The following DLGAP1 variants were observed in gnomAD, a reference collection of about 807,000 sequenced individuals.
DLGAP1 encodes the protein disks large-associated protein 1.
In DLGAP1, 11 loss-of-function variants were observed where a neutral mutation model predicts 90.8. The observed-to-expected ratio is 0.12, with a 90% confidence interval of 0.08 to 0.20. The LOEUF (loss-of-function observed/expected upper bound fraction) is 0.20. DLGAP1 is among the 10% of genes least tolerant of loss of function. The pLI is 1.00. For synonymous variants in DLGAP1, 558 were observed against 540.7 expected, an observed-to-expected ratio of 1.03 and a Z score of -0.44; for missense variants, 1,050 against 1,333.8, an observed-to-expected ratio of 0.79 and a Z score of 3.31.
chr18:4,446,439 A>AAGCAGCAGC (rs139464015), intron 1 of DLGAP1, among the ~76,000 whole-genome samples: 2,562 of 151,340 alleles, frequency 0.017, 67 homozygotes, highest in Non-Finnish European at 0.018. Context: ...TTGTGAAGTC[A>AAGCAGCAGC]AGCAGCAGCA....
chr18:3,820,612 C>G (rs1054597202), intron 4 of DLGAP1, among the ~76,000 whole-genome samples: 13 of 152,038 alleles, frequency 8.6e-5, no homozygotes, highest in Non-Finnish European at 1.5e-5. Context: ...AGGGATCAAC[C>G]TGTTTGACTT....
intron 3 of DLGAP1, among the ~76,000 whole-genome samples, chr18:3,910,524 G>A (rs542288466): frequency 6.6e-6 from 1 of 152,268 alleles, no homozygotes; most frequent in African/African-American, 2.4e-5. Flanking sequence ...TAGCCATTTA[G>A]CTAGGACAAA....
intron 1 of DLGAP1, among the ~76,000 whole-genome samples, chr18:4,157,719 T>C (rs758713855): frequency 1.3e-5 from 2 of 152,176 alleles, no homozygotes; most frequent in Non-Finnish European, 2.9e-5. Context: ...GCCTCATTCA[T>C]ACGTGATGTT....
intron 3 of DLGAP1, among the ~76,000 whole-genome samples, chr18:3,978,914 C>T (rs995451001): frequency 6.6e-6 from 1 of 152,046 alleles, no homozygotes; most frequent in African/African-American, 2.4e-5. Flanking sequence ...ATGAAGAGTA[C>T]GTGGAAAGTG....
chr18:4,028,249 T>C (rs910155000), intron 2 of DLGAP1, among the ~76,000 whole-genome samples: 3 of 152,224 alleles, frequency 2.0e-5, no homozygotes, highest in Non-Finnish European at 4.4e-5. Flanking sequence ...TGTATTTACA[T>C]AGCTATTCAT....
intron 4 of DLGAP1, among the ~76,000 whole-genome samples, chr18:3,849,313 A>C (rs909498535): frequency 1.3e-5 from 2 of 152,118 alleles, no homozygotes; most frequent in African/African-American, 4.8e-5. Flanking sequence ...TAGTATCTTC[A>C]AAGAGACTCA....
chr18:4,256,137 C>T (rs2078883094), intron 1 of DLGAP1, among the ~76,000 whole-genome samples: 1 of 152,194 alleles, frequency 6.6e-6, no homozygotes, highest in East Asian at 1.9e-4. Flanking sequence ...CCTGGGGCCA[C>T]AGTGAATCAA....
intron 3 of DLGAP1, among the ~76,000 whole-genome samples, chr18:3,922,593 G>A (rs936606748): frequency 6.6e-6 from 1 of 152,106 alleles, no homozygotes; most frequent in East Asian, 1.9e-4. Flanking sequence ...ATCAAAAAGA[G>A]GTTCAAAATA....
intron 5 of DLGAP1, among the ~76,000 whole-genome samples, chr18:3,777,461 C>G (rs574620080): frequency 7.9e-5 from 12 of 152,162 alleles, no homozygotes; most frequent in African/African-American, 2.6e-4. Flanking sequence ...TGGAAGAATA[C>G]GCGGATGTGG....
intron 7 of DLGAP1, among the ~76,000 whole-genome samples, chr18:3,644,551 C>T (rs775607865): frequency 1.3e-5 from 2 of 152,064 alleles, no homozygotes; most frequent in Non-Finnish European, 2.9e-5. Flanking sequence ...GCTGGGATTA[C>T]AGGCGCTCAC....
At chr18:3,805,986 T>C (rs2066540614) in intron 5 of DLGAP1, among the ~76,000 whole-genome samples, 2 of 152,240 alleles carry the variant, frequency 1.3e-5, no homozygotes, top group African/African-American at 2.4e-5. Flanking sequence ...CTATTTCAAA[T>C]GCATCTTCTG....
rs1051972434 is a variant in DLGAP1, at chr18:3,498,358, A to G, written c.*827T>C. 1.3e-5 allele frequency: 2 copies of G among 152,228 alleles called. No individual in the cohort carries two copies. Among genetic ancestry groups the G allele is most frequent in the Non-Finnish European group, 2.9e-5 (2 of 68,042 alleles). 9.4% of individuals were successfully genotyped at this position (152,228 alleles called of 1,614,324 possible). Reference sequence around the variant, plus strand: ...ATTTTCTTAATAATAGAACAAAAAAATCCCTTATGTAGTATACTAAACCAT... The same window carrying G: ...ATTTTCTTAATAATAGAACAAAAAAGTCCCTTATGTAGTATACTAAACCAT... On this transcript the variant is annotated 3_prime_UTR_variant, in exon 13 of 13. Transcript: ENST00000315677.
rs1325383574 is a variant in DLGAP1, at chr18:3,775,065, A to T, written c.1173-32553T>A. 1.3e-5 allele frequency among the ~76,000 whole-genome samples: 2 copies of T among 152,210 alleles called. No individual in the cohort carries two copies. Among genetic ancestry groups the T allele is most frequent in the African/African-American group, 4.8e-5 (2 of 41,456 alleles). On this transcript the variant is annotated intron_variant, in intron 5 of 12. Coordinates refer to ENST00000315677, the MANE Select transcript of DLGAP1 (RefSeq NM_004746.4). This position sits in a 1 kb window ranked among gnomAD's most constrained non-coding sequence, Gnocchi z 4.9. Reference sequence around the variant, plus strand: ...TTTTCACAAACCACTGTCGCTCTGCAGGCCCCACAGGCTTTGTCCCAGGTC... The same window carrying T: ...TTTTCACAAACCACTGTCGCTCTGCTGGCCCCACAGGCTTTGTCCCAGGTC...
At chr18:4,009,180 GGT>G (rs1440215253) in intron 2 of DLGAP1, among the ~76,000 whole-genome samples, 2 of 152,106 alleles carry the variant, frequency 1.3e-5, no homozygotes, top group African/African-American at 2.4e-5. Flanking sequence ...TGGGATTACA[GGT>G]GTGAGCCACT....
chr18:3,583,259 C>T (rs2055675732), intron 7 of DLGAP1, among the ~76,000 whole-genome samples: 1 of 148,170 alleles, frequency 6.7e-6, no homozygotes, highest in Non-Finnish European at 1.5e-5. Flanking sequence ...TGTGTTTCCC[C>T]ACCTCCTTCC....
intron 2 of DLGAP1, among the ~76,000 whole-genome samples, chr18:4,123,654 C>G (rs2076188259): frequency 6.6e-6 from 1 of 152,198 alleles, no homozygotes; most frequent in Non-Finnish European, 1.5e-5. Flanking sequence ...CAGAGCATAA[C>G]CCATGAGTTG....
intron 7 of DLGAP1, among the ~76,000 whole-genome samples, chr18:3,699,639 G>A (rs2061213055): frequency 6.6e-6 from 1 of 152,204 alleles, no homozygotes; most frequent in African/African-American, 2.4e-5. Context: ...AGGAAGCAGA[G>A]TGTCCCTTAG....
chr18:4,225,954 G>A (rs1568460223), intron 1 of DLGAP1, among the ~76,000 whole-genome samples: 1 of 152,176 alleles, frequency 6.6e-6, no homozygotes, highest in East Asian at 1.9e-4. Context: ...AAGGGTTATA[G>A]AACATCAAGC....
intron 3 of DLGAP1, among the ~76,000 whole-genome samples, chr18:3,910,131 T>C (rs2072000010): frequency 6.6e-6 from 1 of 150,450 alleles, no homozygotes; most frequent in Non-Finnish European, 1.5e-5. Context: ...CTGTCGGCTA[T>C]CTAGTATCCC....
Sources: gnomAD v4.1 joint callset for allele counts (sites outside exome capture counted in the v4.1 genomes callset) on GRCh38, gnomAD v4.1.1 for gene constraint, Gnocchi (gnomAD v3.1) non-coding constraint, MANE v1.5 for transcripts, NCBI Gene and HGNC (gene_info 2026-07-23, HGNC 2026-07-21) for gene names.